The following SYT16 variants were observed in gnomAD, a reference collection of about 807,000 sequenced individuals.
SYT16 encodes the protein synaptotagmin 16.
In SYT16, 42 loss-of-function variants were observed where a neutral mutation model predicts 61.4. The observed-to-expected ratio is 0.68, with a 90% CI of 0.53 to 0.89. The LOEUF is 0.89. Among genes scored for constraint, SYT16 ranks in the 40% least tolerant of loss-of-function variants. The pLI, the probability that SYT16 is intolerant of heterozygous loss-of-function variation, is 0.00. For missense variants in SYT16, 804 were observed against 807.3 expected (o/e 1.00, Z 0.05); for synonymous variants, 314 against 302.3 (o/e 1.04, Z -0.40).
chr14:62,064,409 G>C (rs180684944), intron 3 of SYT16, among the ~76,000 whole-genome samples: 73 of 150,878 alleles, frequency 4.8e-4, no homozygotes, highest in African/African-American at 1.7e-3. Context: ...CATTGACTTG[G>C]AACATGGTAG....
chr14:62,027,693 T>A (rs1280561316), intron 3 of SYT16, among the ~76,000 whole-genome samples: 1 of 152,170 alleles, frequency 6.6e-6, no homozygotes, highest in Admixed American at 6.5e-5. Context: ...CTTGCATGTT[T>A]TATGTTATGT....
chr14:61,939,248 T>C (rs781424340), intron 1 of SYT16, among the ~76,000 whole-genome samples: 22 of 152,264 alleles, frequency 1.4e-4, no homozygotes, highest in Admixed American at 4.6e-4. Context: ...CTCCTGTTCC[T>C]GATGGATGCA....
chr14:61,979,903 T>G (rs1387581499), intron 2 of SYT16, among the ~76,000 whole-genome samples: 1 of 152,052 alleles, frequency 6.6e-6, no homozygotes, highest in Non-Finnish European at 1.5e-5. Flanking sequence ...AAAATTCCAC[T>G]GGGATAGTTT....
intron 1 of SYT16, among the ~76,000 whole-genome samples, chr14:61,880,479 G>C (rs1470561636): frequency 6.6e-6 from 1 of 152,072 alleles, no homozygotes; most frequent in Non-Finnish European, 1.5e-5. Flanking sequence ...GTGCATTTTA[G>C]AATTAGTTCG....
chr14:62,079,973 A>G (rs1219265334), intron 5 of SYT16, among the ~76,000 whole-genome samples: 1 of 152,220 alleles, frequency 6.6e-6, no homozygotes, highest in Non-Finnish European at 1.5e-5. Flanking sequence ...GTATTTTCAT[A>G]TCAATGAAAA....
At chr14:61,957,650 A>G (rs567620206) in intron 1 of SYT16, among the ~76,000 whole-genome samples, 1 of 151,334 alleles carries the variant, frequency 6.6e-6, no homozygotes, top group East Asian at 1.9e-4. Flanking sequence ...CACAGGGATA[A>G]ATCTCAGTTG....
At chr14:62,078,172 A>T (rs796334573) in intron 5 of SYT16, among the ~76,000 whole-genome samples, 21 of 128,834 alleles carry the variant, frequency 1.6e-4, no homozygotes, top group South Asian at 4.9e-4. Flanking sequence ...TATATATATA[A>T]ACACACACAC....
intron 2 of SYT16, among the ~76,000 whole-genome samples, chr14:61,985,327 A>G (rs180908226): frequency 6.6e-4 from 101 of 152,300 alleles, no homozygotes; most frequent in African/African-American, 2.4e-3. Flanking sequence ...TCAATTTATG[A>G]ATGCTGATGT....
intron 1 of SYT16, among the ~76,000 whole-genome samples, chr14:61,841,981 G>A (rs949602810): frequency 6.6e-6 from 1 of 152,104 alleles, no homozygotes; most frequent in African/African-American, 2.4e-5. Context: ...ATAAACATAT[G>A]AGTGCAGGTG....
At chr14:61,821,552 G>A (rs894470000) in intron 1 of SYT16, among the ~76,000 whole-genome samples, 2 of 152,222 alleles carry the variant, frequency 1.3e-5, no homozygotes, top group African/African-American at 4.8e-5. Context: ...CAGGCTGATG[G>A]ACTGAGGGCC....
At chr14:62,033,693 TCATAC>T (rs1330828331) in intron 3 of SYT16, among the ~76,000 whole-genome samples, 1 of 71,334 alleles carries the variant, frequency 1.4e-5, no homozygotes, top group African/African-American at 7.8e-5. Context: ...CCTTCTCATA[TCATAC>T]ACACAATAAA....
intron 3 of SYT16, among the ~76,000 whole-genome samples, chr14:62,009,091 C>T (rs934275600): frequency 4.6e-5 from 7 of 152,054 alleles, no homozygotes; most frequent in South Asian, 4.2e-4. Context: ...TTCATATTGG[C>T]TTCTTCTCTC....
chr14:62,026,422 C>T (rs1014484925), intron 3 of SYT16, among the ~76,000 whole-genome samples: 13 of 152,270 alleles, frequency 8.5e-5, no homozygotes, highest in Admixed American at 3.9e-4. Flanking sequence ...GGCCTTCTTG[C>T]TGCATCCTCA....
chr14:62,096,773 G>A (rs976155069), intron 7 of SYT16, among the ~76,000 whole-genome samples: 30 of 152,078 alleles, frequency 2.0e-4, no homozygotes, highest in African/African-American at 7.2e-4. Context: ...GGATCCCAAA[G>A]AGGGAGACTA....
intron 1 of SYT16, among the ~76,000 whole-genome samples, chr14:61,920,013 G>A (rs889605767): frequency 6.6e-6 from 1 of 152,094 alleles, no homozygotes; most frequent in Non-Finnish European, 1.5e-5. Context: ...CTCAATTTAT[G>A]CTCAGAAAGT....
chr14:61,970,855 C>A (rs567265891), intron 2 of SYT16, among the ~76,000 whole-genome samples: 41 of 151,974 alleles, frequency 2.7e-4, no homozygotes, highest in Non-Finnish European at 5.7e-4. Flanking sequence ...ACAGGATGTT[C>A]TTACAGAGGG....
At chr14:62,026,627 C>G (rs763267067) in intron 3 of SYT16, among the ~76,000 whole-genome samples, 1 of 152,174 alleles carries the variant, frequency 6.6e-6, no homozygotes. Context: ...CAAACCATAG[C>G]CCCCATTTTC....
chr14:61,996,366 C>T lies in SYT16; in HGVS notation c.347C>T (p.Ser116Leu), dbSNP rs762359257. The change falls in exon 3 of 8, where the codon TCA (serine) becomes TTA (leucine). Residue 116 changes from serine to leucine, a missense_variant. Physicochemically the swap from Ser to Leu is moderately radical, Grantham distance 145 (BLOSUM62 -2). Coordinates refer to ENST00000683842, the MANE Select transcript of SYT16 (RefSeq NM_001367656.1). ...AGCCTTAGCCAACATGCAAAGGACTCATGTTCCACAATGTCCCAGTGGCCC... is the reference window on the plus strand; with the variant it reads ...AGCCTTAGCCAACATGCAAAGGACTTATGTTCCACAATGTCCCAGTGGCCC... ...SPSLSQHAKD[S>L]CSTMSQWPNW... is the part of the protein sequence containing the mutation. The T allele has an allele frequency of 6.2e-7, 1 of 1,613,542 alleles. No individual in the cohort carries two copies.
At position 62,106,966 on chromosome 14, in the gene SYT16, TTTACTTCATGCCTTTGAGTGACAGTG is replaced by T. The variant is rs1324414011; in HGVS notation, c.*6264_*6289del. 5.3e-5 allele frequency: 8 copies of T among 152,080 alleles called. No homozygotes were observed. Among genetic ancestry groups the T allele is most frequent in the African/African-American group, 1.4e-4 (6 of 41,422 alleles). 9.4% of individuals were successfully genotyped at this position (152,080 alleles called of 1,614,324 possible). On this transcript the variant is annotated 3_prime_UTR_variant, in exon 8 of 8. Transcript: ENST00000683842. Reference sequence around the variant, plus strand: ...GCCTTAAGGTTTCTTCATGGGAATTTTTACTTCATGCCTTTGAGTGACAGTGTTACCAGTTTTACCTTGAGGATGAT... The same window carrying T: ...GCCTTAAGGTTTCTTCATGGGAATTTTTACCAGTTTTACCTTGAGGATGAT...
Sources: gnomAD v4.1 joint callset for allele counts (sites outside exome capture counted in the v4.1 genomes callset) on GRCh38, gnomAD v4.1.1 for gene constraint, MANE v1.5 for transcripts, NCBI Gene and HGNC (gene_info 2026-07-23, HGNC 2026-07-21) for gene names.